CACNA1E: variants seen among roughly 807,000 people sequenced by gnomAD.
CACNA1E encodes the protein voltage-dependent R-type calcium channel subunit alpha-1E.
Under a neutral mutation model 259.2 loss-of-function variants are expected in CACNA1E, and 40 were observed. That is an observed-to-expected ratio of 0.15 (90% CI 0.12 to 0.20). CACNA1E has a LOEUF of 0.20. CACNA1E is among the 10% of genes least tolerant of loss of function. The pLI is 1.00. For synonymous variants in CACNA1E, 1,104 were observed against 1,138.5 expected, an observed-to-expected ratio of 0.97 and a Z score of 0.61; for missense variants, 1,874 against 3,040.1, an observed-to-expected ratio of 0.62 and a Z score of 9.02.
intron 16 of CACNA1E, among the ~76,000 whole-genome samples, chr1:181,722,639 T>G (rs2102490050): frequency 6.6e-6 from 1 of 152,364 alleles, no homozygotes; most frequent in South Asian, 2.1e-4. Flanking sequence ...TGGTGAATAC[T>G]AAATGAGATA....
intron 1 of CACNA1E, among the ~76,000 whole-genome samples, chr1:181,388,020 T>C (rs1249326268): frequency 1.3e-5 from 2 of 152,212 alleles, no homozygotes; most frequent in Non-Finnish European, 2.9e-5. Context: ...TATTTGATGA[T>C]AGCTAAGAGT....
At chr1:181,787,482 A>G (rs960248058) in intron 43 of CACNA1E, among the ~76,000 whole-genome samples, 6 of 152,200 alleles carry the variant, frequency 3.9e-5, no homozygotes, top group African/African-American at 7.2e-5. Context: ...TTTGCTTTAC[A>G]AATTAACCCA....
Position 181,771,340 on chromosome 1 carries a change from C to A in CACNA1E, c.4929C>A (p.His1643Gln), listed in dbSNP as rs773880748. 6.2e-7 allele frequency: 1 copy of A among 1,603,404 alleles called. No homozygotes were observed. Among genetic ancestry groups the A allele is most frequent in the Non-Finnish European group, 8.5e-7 (1 of 1,173,522 alleles). Reference protein sequence around the residue: ...KLDEESHINRHNNFRSFFGSL... With the variant: ...KLDEESHINRQNNFRSFFGSL... ...ACGAGGAGAGTCACATCAACCGGCA[C>A]AACAACTTCCGGAGTTTCTTTGGGT... Residue 1643 changes from histidine (H) to glutamine (Q), a missense_variant, in exon 36 of 48, where the codon CAC becomes CAA. Around this residue, in one of 14 missense-constraint regions of CACNA1E, gnomAD observed 147 missense variants for 337.1 expected, o/e 0.44. Coordinates refer to ENST00000367573, the MANE Select transcript of CACNA1E (RefSeq NM_001205293.3).
At chr1:181,469,058 T>A (rs1662332402) in intron 2 of CACNA1E, among the ~76,000 whole-genome samples, 1 of 151,780 alleles carries the variant, frequency 6.6e-6, no homozygotes, top group Admixed American at 6.6e-5. Context: ...TTATTAAAAT[T>A]TTTTTTTTAA....
intron 6 of CACNA1E, among the ~76,000 whole-genome samples, chr1:181,600,950 CT>C (rs1653680783): frequency 6.6e-6 from 1 of 152,178 alleles, no homozygotes; most frequent in South Asian, 2.1e-4. Flanking sequence ...AACTTAATGT[CT>C]ATTAGCACTG....
intron 8 of CACNA1E, among the ~76,000 whole-genome samples, chr1:181,713,030 C>A (rs572380486): frequency 3.9e-5 from 6 of 152,212 alleles, no homozygotes; most frequent in Non-Finnish European, 7.3e-5. Flanking sequence ...TGGCCCTTCC[C>A]TTTACAAATG....
At chr1:181,684,637 TTTGAG>T (rs1175936715) in intron 7 of CACNA1E, among the ~76,000 whole-genome samples, 1 of 152,066 alleles carries the variant, frequency 6.6e-6, no homozygotes, top group Non-Finnish European at 1.5e-5. Flanking sequence ...TTTAATCCAT[TTTGAG>T]TTGTTTTTTG....
intron 3 of CACNA1E, among the ~76,000 whole-genome samples, chr1:181,517,420 G>A (rs562368615): frequency 6.6e-6 from 1 of 152,178 alleles, no homozygotes; most frequent in South Asian, 2.1e-4. Flanking sequence ...GCAGTGGGGA[G>A]CCACGGAAGG....
chr1:181,331,718 T>C (rs750453519), intron 1 of CACNA1E, among the ~76,000 whole-genome samples: 1 of 152,116 alleles, frequency 6.6e-6, no homozygotes, highest in Non-Finnish European at 1.5e-5. Flanking sequence ...GCATGTAAAG[T>C]TGTGAGGGCT....
chr1:181,590,124 G>A (rs952807245), intron 6 of CACNA1E, among the ~76,000 whole-genome samples: 1 of 152,102 alleles, frequency 6.6e-6, no homozygotes, highest in Admixed American at 6.5e-5. Context: ...TTTGGCCACA[G>A]CGAAGCTTCA....
chr1:181,400,097 T>C (rs1160522196), intron 1 of CACNA1E, among the ~76,000 whole-genome samples: 1 of 151,974 alleles, frequency 6.6e-6, no homozygotes, highest in Admixed American at 6.6e-5. Flanking sequence ...ATCTCAGTGT[T>C]CCCCCCCACC....
chr1:181,522,909 G>A (rs548342334), intron 3 of CACNA1E, among the ~76,000 whole-genome samples: 40 of 152,280 alleles, frequency 2.6e-4, no homozygotes, highest in African/African-American at 6.7e-4. Flanking sequence ...GCTCTTTAAC[G>A]TGTTAGCTTC....
chr1:181,726,211 C>T (rs749597615), intron 18 of CACNA1E, 49 bp downstream of exon 18: 2 of 1,297,578 alleles, frequency 1.5e-6, no homozygotes, highest in Admixed American at 1.9e-5. Context: ...GTGCTAACAG[C>T]CAATTCATCA....
At chr1:181,728,837 C>T (rs12063786) in intron 18 of CACNA1E, among the ~76,000 whole-genome samples, 14 of 133,506 alleles carry the variant, frequency 1.0e-4, no homozygotes, top group Non-Finnish European at 1.3e-4. Flanking sequence ...ACCCTGCTCA[C>T]GTGTGTGTAC....
rs1385781012 is a variant in CACNA1E, at chr1:181,806,443, T to C, written c.*7609T>C. The C allele has an allele frequency of 6.6e-6, 1 of 152,248 alleles. No homozygotes were observed. Among genetic ancestry groups the C allele is most frequent in the East Asian group, 1.9e-4 (1 of 5,194 alleles). The allele number at this position is 152,248 out of a possible 1,614,324, so 9.4% of individuals were successfully genotyped here. Reference sequence around the variant, plus strand: ...AGATGAGATCAGGAGGGAAATTGGGTGCTCTGCCTCAGGCTGTTAAAATGC... The same window carrying C: ...AGATGAGATCAGGAGGGAAATTGGGCGCTCTGCCTCAGGCTGTTAAAATGC... On this transcript the variant is annotated 3_prime_UTR_variant, in exon 48 of 48. Transcript: ENST00000367573.
Position 181,651,526 on chromosome 1 carries a change from C to A in CACNA1E, c.1055+85C>A. 4.3e-6 allele frequency: 4 copies of A among 932,286 alleles called. No homozygotes were observed. In the South Asian group the frequency reaches 4.5e-5, roughly 10 times the overall value. 57.8% of individuals were successfully genotyped at this position (932,286 alleles called of 1,614,324 possible). A position where few individuals can be genotyped will look rare whatever the true frequency, so the allele number is the denominator to read the frequency against. On this transcript the variant is annotated intron_variant, in intron 7 of 47. Transcript: ENST00000367573. ...CCTCCTGACTCATGGCAGATTCATT[C>A]ATTTAACCTTCATTTAGAAGACACT... is the stretch of plus-strand genomic sequence containing the variant.
At chr1:181,735,720 T>C (rs1269472789) in intron 21 of CACNA1E, among the ~76,000 whole-genome samples, 1 of 152,238 alleles carries the variant, frequency 6.6e-6, no homozygotes, top group African/African-American at 2.4e-5. Context: ...AACAGAATCA[T>C]GATTTCTTGA....
chr1:181,624,659 G>T (rs1257631824), intron 6 of CACNA1E, among the ~76,000 whole-genome samples: 1 of 152,112 alleles, frequency 6.6e-6, no homozygotes, highest in African/African-American at 2.4e-5. Flanking sequence ...CACCCCATCT[G>T]CAGTTACTTC....
chr1:181,397,547 C>T (rs1656772108), intron 1 of CACNA1E, among the ~76,000 whole-genome samples: 1 of 152,158 alleles, frequency 6.6e-6, no homozygotes, highest in African/African-American at 2.4e-5. Context: ...ATCCGCCTGC[C>T]TCGGCCTCCC....
Sources: allele counts gnomAD v4.1 joint callset (sites outside exome capture counted in the v4.1 genomes callset), GRCh38; gene constraint gnomAD v4.1.1; regional missense constraint gnomAD v4.1.1; transcripts MANE v1.5; gene names NCBI Gene and HGNC (gene_info 2026-07-23, HGNC 2026-07-21).